SPATS1: variants seen among roughly 807,000 people sequenced by gnomAD.
The protein encoded by SPATS1 is spermatogenesis associated serine rich 1.
Under a neutral mutation model 33.6 loss-of-function variants are expected in SPATS1, and 23 were observed. The observed-to-expected ratio is 0.68, with a 90% CI of 0.49 to 0.97. The LOEUF (loss-of-function observed/expected upper bound fraction) is 0.97. Ranked by LOEUF, SPATS1 falls within the 50% of genes least tolerant of loss-of-function variation. SPATS1 has a pLI of 0.00. For missense variants in SPATS1, 327 were observed against 361.0 expected (o/e 0.91, Z 0.76); for synonymous variants, 131 against 125.6 (o/e 1.04, Z -0.29).
In SPATS1 at chr6:44,348,197, C is replaced by T. The variant is rs149197912; in HGVS notation, c.140-4529C>T. Reference sequence around the variant, plus strand: ...CTGATTTTTGTATTTTTGGTAGAGACGGAGTTTCACCATGTTGGGCCAGGC... The same window carrying T: ...CTGATTTTTGTATTTTTGGTAGAGATGGAGTTTCACCATGTTGGGCCAGGC... On this transcript the variant is annotated intron_variant, in intron 2 of 8. Transcript: ENST00000674044. Among the ~76,000 whole-genome samples, 1,261 of 152,002 alleles carry T rather than the reference C, an allele frequency of 8.3e-3. 11 individuals are homozygous for T. Among genetic ancestry groups the T allele is most frequent in the African/African-American group, 0.028 (1,164 of 41,470 alleles).
intron 7 of SPATS1, among the ~76,000 whole-genome samples, chr6:44,374,097 T>C (rs552287901): frequency 1.3e-5 from 2 of 152,238 alleles, no homozygotes; most frequent in Non-Finnish European, 2.9e-5. Context: ...TTGCAGTTAA[T>C]GTATCTTCCA....
Position 44,377,124 on chromosome 6 carries a change from G to A in SPATS1, c.*61G>A, listed in dbSNP as rs1790012893. 4 of 1,599,176 alleles carry A rather than the reference G, an allele frequency of 2.5e-6. No individual in the cohort carries two copies. Among genetic ancestry groups the A allele is most frequent in the East Asian group, 2.2e-5 (1 of 44,792 alleles). On this transcript the variant is annotated 3_prime_UTR_variant, in exon 9 of 9. Coordinates refer to ENST00000674044, the MANE Select transcript of SPATS1 (RefSeq NM_001372081.1). ...CTCTGGCGACCCTTTTCCAGTTGAT[G>A]TTTTTTGTCATGTGACTGTTCTAAA...
At chr6:44,368,916 AG>A (rs1789410511) in intron 6 of SPATS1, among the ~76,000 whole-genome samples, 3 of 105,414 alleles carry the variant, frequency 2.8e-5, no homozygotes, top group African/African-American at 1.0e-4. Context: ...TTTTTTTTTG[AG>A]ACGGAGTCTC....
In SPATS1 at chr6:44,376,138, C is replaced by T. The variant is rs147289021; in HGVS notation, c.759-220C>T. 1.8e-3 allele frequency among the ~76,000 whole-genome samples: 281 copies of T among 152,108 alleles called. 2 individuals are homozygous for T. Among genetic ancestry groups the T allele is most frequent in the Middle Eastern group, 0.01 (3 of 294 alleles). On this transcript the variant is annotated intron_variant, in intron 7 of 8. Transcript: ENST00000674044. ...AAAAATGTGGAAGCACAGAGGAGCC[C>T]AGGTGATACTAGCTGCAAGGTCAGC... is the stretch of plus-strand genomic sequence containing the variant.
intron 2 of SPATS1, 102 bp downstream of exon 2, chr6:44,343,336 G>T: frequency 7.0e-7 from 1 of 1,419,956 alleles, no homozygotes; most frequent in Non-Finnish European, 9.9e-7. Flanking sequence ...AAGTTTAGAA[G>T]GAAGCTAGTT....
intron 7 of SPATS1, among the ~76,000 whole-genome samples, chr6:44,372,874 T>C (rs1789710634): frequency 6.6e-6 from 1 of 152,228 alleles, no homozygotes; most frequent in Non-Finnish European, 1.5e-5. Context: ...AAGCAGTCTT[T>C]AGGGATAGTT....
intron 6 of SPATS1, among the ~76,000 whole-genome samples, chr6:44,368,760 A>G (rs1049775496): frequency 2.0e-5 from 3 of 152,192 alleles, no homozygotes; most frequent in African/African-American, 7.2e-5. Flanking sequence ...AAAACTTTTA[A>G]ATTTTCATAC....
chr6:44,353,461 C>T (rs891231004), intron 3 of SPATS1, among the ~76,000 whole-genome samples: 4 of 152,112 alleles, frequency 2.6e-5, no homozygotes, highest in African/African-American at 9.7e-5. Flanking sequence ...TCTTGGCTCA[C>T]TTTAACCTCA....
intron 1 of SPATS1, 136 bp downstream of exon 1, chr6:44,342,904 G>T (rs1787648516): frequency 7.9e-7 from 1 of 1,260,588 alleles, no homozygotes; most frequent in Admixed American, 2.3e-5. Context: ...GGGCGGACTC[G>T]CTGGGGCTCC....
At position 44,373,689 on chromosome 6, in the gene SPATS1, G is replaced by T. The variant is rs547100353; in HGVS notation, c.759-2669G>T. Among the ~76,000 whole-genome samples the T allele has an allele frequency of 2.6e-5, 4 of 152,210 alleles. No individual in the cohort carries two copies. The South Asian group carries it at 8.3e-4, about 31-fold the overall frequency. On this transcript the variant is annotated intron_variant, in intron 7 of 8. Coordinates refer to ENST00000674044, the MANE Select transcript of SPATS1 (RefSeq NM_001372081.1). Reference sequence around the variant, plus strand: ...AACCTGATAACCAGAACCAGATAAAGTTGCCAAGTCTTCTCTAGTTAGTGA... The same window carrying T: ...AACCTGATAACCAGAACCAGATAAATTTGCCAAGTCTTCTCTAGTTAGTGA...
rs1440362893 is a variant in SPATS1, at chr6:44,352,828, G to A, written c.242G>A (p.Ser81Asn). The A allele has an allele frequency of 1.2e-6, 2 of 1,614,172 alleles. No homozygotes were observed. Among genetic ancestry groups the A allele is most frequent in the South Asian group, 2.2e-5 (2 of 91,086 alleles). The change falls in exon 3 of 9, where the codon AGT (serine) becomes AAT (asparagine). Residue 81 changes from serine (S) to asparagine (N), a missense_variant. By Grantham distance (46) the Ser-to-Asn change is conservative (BLOSUM62 1). Coordinates refer to ENST00000674044, the MANE Select transcript of SPATS1 (RefSeq NM_001372081.1). The stretch of plus-strand genomic sequence containing the variant: ...TCATCTTCTGTGGAAACAGGCCCAA[G>A]TGTCAGTGAGCCTCCTGGCCTCCCC... ...SSSSSVETGP[S>N]VSEPPGLPRV...
chr6:44,350,315 A>G (rs1430216568), intron 2 of SPATS1, among the ~76,000 whole-genome samples: 1 of 152,242 alleles, frequency 6.6e-6, no homozygotes, highest in Non-Finnish European at 1.5e-5. Context: ...AATACAGTGC[A>G]GTGATGGAAC....
At position 44,342,650 on chromosome 6, in the gene SPATS1, G is replaced by A. The variant is rs1238335108; in HGVS notation, c.-119G>A. On this transcript the variant is annotated 5_prime_UTR_variant, in exon 1 of 9. Coordinates refer to ENST00000674044, the MANE Select transcript of SPATS1 (RefSeq NM_001372081.1). ...CTGGAGCCGGTGTCCCGGCAACCCC[G>A]GAACGCGCCTCTGTGGGAGAAGCAG... 2.2e-6 allele frequency: 1 copy of A among 456,112 alleles called. No homozygotes were observed. Among genetic ancestry groups the A allele is most frequent in the African/African-American group, 2.0e-5 (1 of 50,104 alleles). 28.3% of individuals were successfully genotyped at this position (456,112 alleles called of 1,614,324 possible).
intron 4 of SPATS1, 92 bp from the exon 5 acceptor site, chr6:44,361,739 T>G: frequency 6.6e-7 from 1 of 1,515,852 alleles, no homozygotes; most frequent in Admixed American, 1.7e-5. Context: ...TATAGCCAGA[T>G]AGTGCCTGTG....
intron 5 of SPATS1, among the ~76,000 whole-genome samples, chr6:44,366,890 T>C (rs1243124422): frequency 2.0e-5 from 3 of 152,192 alleles, no homozygotes; most frequent in Non-Finnish European, 4.4e-5. Context: ...AAACAGTTTA[T>C]AAATGAGGTT....
intron 5 of SPATS1, among the ~76,000 whole-genome samples, chr6:44,362,417 T>C (rs1285847947): frequency 6.6e-6 from 1 of 152,202 alleles, no homozygotes; most frequent in Non-Finnish European, 1.5e-5. Context: ...TTTTATTTTA[T>C]TGCTGATTTA....
chr6:44,370,021 A>G, intron 6 of SPATS1, 30 bp from the exon 7 acceptor site: 1 of 1,554,736 alleles, frequency 6.4e-7, no homozygotes, highest in Non-Finnish European at 8.9e-7. Flanking sequence ...ATGGCATACC[A>G]GTTTTATGAT....
chr6:44,359,812 C>G (rs1307948108), intron 3 of SPATS1, among the ~76,000 whole-genome samples: 1 of 152,160 alleles, frequency 6.6e-6, no homozygotes, highest in Non-Finnish European at 1.5e-5. Context: ...TCAAGTGATC[C>G]ACCTGCCTCA....
chr6:44,349,092 C>T (rs1788079264), intron 2 of SPATS1, among the ~76,000 whole-genome samples: 1 of 151,440 alleles, frequency 6.6e-6, no homozygotes, highest in Non-Finnish European at 1.5e-5. Context: ...GATTGCACTA[C>T]TGCACTCCAG....
Sources: allele counts gnomAD v4.1 joint callset (sites outside exome capture counted in the v4.1 genomes callset), GRCh38; gene constraint gnomAD v4.1.1; transcripts MANE v1.5; gene names NCBI Gene and HGNC (gene_info 2026-07-23, HGNC 2026-07-21).